TMEM232: variants seen among roughly 807,000 people sequenced by gnomAD.
The protein encoded by TMEM232 is transmembrane protein 232.
TMEM232 carries 80 observed loss-of-function variants against 78.8 expected under a neutral mutation model. That is an observed-to-expected ratio of 1.01 (90% confidence interval 0.85 to 1.22). TMEM232 has a LOEUF of 1.22. TMEM232 is among the 50% of genes most tolerant of loss of function. TMEM232 has a pLI of 0.00. For synonymous variants in TMEM232, 297 were observed against 254.3 expected (o/e 1.17, Z -1.60); for missense variants, 881 against 742.2 (o/e 1.19, Z -2.17).
chr5:110,466,390 A>T (rs1235451958), intron 12 of TMEM232, among the ~76,000 whole-genome samples: 1 of 152,166 alleles, frequency 6.6e-6, no homozygotes, highest in Non-Finnish European at 1.5e-5. Flanking sequence ...TTTGGCAAAA[A>T]ATCAGAGAAT....
intron 11 of TMEM232, among the ~76,000 whole-genome samples, chr5:110,538,133 A>T (rs1396910878): frequency 1.3e-5 from 2 of 152,192 alleles, no homozygotes; most frequent in Admixed American, 6.5e-5. Flanking sequence ...ATGTAAATTA[A>T]GGGGGGTTAC....
chr5:110,737,756 C>G (rs1799340328), intron 1 of TMEM232, among the ~76,000 whole-genome samples: 1 of 151,992 alleles, frequency 6.6e-6, no homozygotes, highest in Non-Finnish European at 1.5e-5. Flanking sequence ...ATTGTTTAAA[C>G]CATGTTAAAA....
At chr5:110,597,106 C>G (rs927978784) in intron 10 of TMEM232, among the ~76,000 whole-genome samples, 2 of 152,102 alleles carry the variant, frequency 1.3e-5, no homozygotes, top group Non-Finnish European at 2.9e-5. Flanking sequence ...GATTGTATAT[C>G]TAGAAAACCC....
intron 12 of TMEM232, among the ~76,000 whole-genome samples, chr5:110,477,928 T>C (rs1213432234): frequency 6.6e-6 from 1 of 151,950 alleles, no homozygotes; most frequent in African/African-American, 2.4e-5. Flanking sequence ...CAACATTTTA[T>C]TTCATTGACA....
chr5:110,705,744 G>A (rs1286666146), intron 1 of TMEM232, among the ~76,000 whole-genome samples: 1 of 146,492 alleles, frequency 6.8e-6, no homozygotes, highest in African/African-American at 2.6e-5. Context: ...ACATATGTGT[G>A]TGTGTGTGTA....
chr5:110,732,171 C>T (rs1798731602), intron 2 of TMEM232, among the ~76,000 whole-genome samples: 1 of 152,214 alleles, frequency 6.6e-6, no homozygotes, highest in Non-Finnish European at 1.5e-5. Flanking sequence ...GAGACCACCT[C>T]AGCCTGGACC....
chr5:110,667,483 T>A, intron 1 of TMEM232, 119 bp from the exon 2 acceptor site: 1 of 705,618 alleles, frequency 1.4e-6, no homozygotes, highest in East Asian at 3.3e-5. Flanking sequence ...GGCTTAAGAA[T>A]AATTCTATAT....
chr5:110,424,515 C>A (rs1757030402), intron 13 of TMEM232, among the ~76,000 whole-genome samples: 1 of 152,096 alleles, frequency 6.6e-6, no homozygotes, highest in Admixed American at 6.6e-5. Context: ...GTTATTAGAA[C>A]TACACTGCAG....
chr5:110,608,070 A>G (rs1268927735), intron 8 of TMEM232, among the ~76,000 whole-genome samples: 5 of 151,962 alleles, frequency 3.3e-5, no homozygotes, highest in Admixed American at 3.3e-4. Context: ...GATGCACTTA[A>G]CATGATGCTT....
At chr5:110,466,163 A>G (rs1158636705) in intron 12 of TMEM232, among the ~76,000 whole-genome samples, 1 of 152,192 alleles carries the variant, frequency 6.6e-6, no homozygotes, top group Non-Finnish European at 1.5e-5. Flanking sequence ...AAAATTCCCA[A>G]AATATTACCT....
chr5:110,690,191 G>T (rs1025946971), intron 1 of TMEM232, among the ~76,000 whole-genome samples: 2 of 152,148 alleles, frequency 1.3e-5, no homozygotes, highest in East Asian at 3.9e-4. Flanking sequence ...TCATCAGAGT[G>T]AACAGGCAAC....
intron 2 of TMEM232, among the ~76,000 whole-genome samples, chr5:110,413,199 G>C (rs182320349): frequency 6.6e-6 from 1 of 152,258 alleles, no homozygotes; most frequent in Non-Finnish European, 1.5e-5. Flanking sequence ...AGAGGAACAT[G>C]GAAGGACTAG....
At chr5:110,686,535 A>G (rs1793430478) in intron 1 of TMEM232, among the ~76,000 whole-genome samples, 2 of 152,040 alleles carry the variant, frequency 1.3e-5, no homozygotes, top group South Asian at 4.1e-4. Context: ...TTATCCAGAG[A>G]AGACAGTCAA....
At chr5:110,424,641 A>G (rs915279100) in intron 13 of TMEM232, among the ~76,000 whole-genome samples, 182 bp downstream of exon 13, 1 of 151,300 alleles carries the variant, frequency 6.6e-6, no homozygotes, top group African/African-American at 2.4e-5. Flanking sequence ...ATTTTCTGCA[A>G]CCCAATGAAG....
At chr5:110,642,405 A>G in intron 2 of TMEM232, 34 bp from the exon 3 acceptor site, 1 of 1,428,288 alleles carries the variant, frequency 7.0e-7, no homozygotes, top group Non-Finnish European at 9.3e-7. Context: ...ACATTTAAAA[A>G]GTATAGCTAT....
Position 110,468,511 on chromosome 5 carries a change from AG to A in TMEM232, c.1704-43596del, listed in dbSNP as rs1233968659. ...TTATAACTTTAAATATCAATGTAAA[AG>A]GAAAGGCTAATAATTATATTTCTTA... On this transcript the variant is annotated intron_variant, in intron 12 of 13. Coordinates refer to ENST00000455884, the MANE Select transcript of TMEM232 (RefSeq NM_001039763.4). Among the ~76,000 whole-genome samples, 14 of 152,240 alleles carry A rather than the reference AG, an allele frequency of 9.2e-5. 1 individual carries two copies. The highest frequency in any genetic ancestry group is 3.4e-4 in the African/African-American group (14 of 41,566).
At chr5:110,553,511 T>C (rs1404567432) in intron 11 of TMEM232, among the ~76,000 whole-genome samples, 3 of 152,158 alleles carry the variant, frequency 2.0e-5, no homozygotes, top group African/African-American at 7.2e-5. Flanking sequence ...TGCATCCTCA[T>C]TTGTCTTTTA....
chr5:110,498,311 TA>T (rs1305915071), intron 12 of TMEM232, among the ~76,000 whole-genome samples: 7 of 152,004 alleles, frequency 4.6e-5, no homozygotes, highest in Non-Finnish European at 1.0e-4. Context: ...TTGATCAAAA[TA>T]AAAACAAAAA....
chr5:110,441,029 G>C (rs1293879426), intron 12 of TMEM232, among the ~76,000 whole-genome samples: 1 of 152,168 alleles, frequency 6.6e-6, no homozygotes, highest in East Asian at 1.9e-4. Flanking sequence ...GAGGAAGGAA[G>C]ATGTGGAGAA....
Sources: gnomAD v4.1 joint callset for allele counts (sites outside exome capture counted in the v4.1 genomes callset) on GRCh38, gnomAD v4.1.1 for gene constraint, MANE v1.5 for transcripts, NCBI Gene and HGNC (gene_info 2026-07-23, HGNC 2026-07-21) for gene names.